ZBTB43: variants seen among roughly 807,000 people sequenced by gnomAD.
The protein encoded by ZBTB43 is zinc finger and BTB domain-containing protein 43.
ZBTB43 carries 6 observed loss-of-function variants against 31.1 expected under a neutral mutation model. The ratio of observed to expected loss-of-function variants is 0.19; its 90% CI spans 0.11 to 0.38. The LOEUF is 0.38. Among genes scored for constraint, ZBTB43 ranks in the 10% least tolerant of loss-of-function variants. The pLI is 1.00. For missense variants in ZBTB43, 379 were observed against 602.1 expected (o/e 0.63, Z 3.88); for synonymous variants, 212 against 221.7 (o/e 0.96, Z 0.39).
intron 2 of ZBTB43, among the ~76,000 whole-genome samples, chr9:126,811,102 GT>G (rs2032238098): frequency 6.6e-6 from 1 of 151,190 alleles, no homozygotes; most frequent in Admixed American, 6.6e-5. Context: ...CGCACCTGTG[GT>G]CTCAGCTACT....
At chr9:126,829,556 T>C (rs2032722504) in intron 2 of ZBTB43, among the ~76,000 whole-genome samples, 1 of 152,218 alleles carries the variant, frequency 6.6e-6, no homozygotes, top group Non-Finnish European at 1.5e-5. Context: ...ATGTAGGTAA[T>C]GAACCCAGTT....
chr9:126,825,842 A>ATTTTTT (rs72512629), intron 2 of ZBTB43, among the ~76,000 whole-genome samples: 2 of 91,194 alleles, frequency 2.2e-5, no homozygotes, highest in Admixed American at 1.3e-4. Context: ...TCCTTTTTAT[A>ATTTTTT]TTTTTTTTTT....
At chr9:126,831,973 A>G (rs1325617436) in intron 2 of ZBTB43, 1 of 152,512 alleles carries the variant, frequency 6.6e-6, no homozygotes, top group Middle Eastern at 3.2e-3. Flanking sequence ...AAAAAAAAAA[A>G]AACTAGCTGG....
chr9:126,820,809 A>G (rs2032491504), intron 2 of ZBTB43, among the ~76,000 whole-genome samples: 1 of 151,848 alleles, frequency 6.6e-6, no homozygotes. Context: ...TATACTGAAA[A>G]TGCAAAAAAT....
rs181953646 is a variant in ZBTB43, at chr9:126,814,895, C to G, written c.-24+5980C>G. Among the ~76,000 whole-genome samples, 994 of 152,026 alleles carry G rather than the reference C, an allele frequency of 6.5e-3. 12 individuals are homozygous for G. The highest frequency in any genetic ancestry group is 0.017 in the South Asian group (80 of 4,806). ...TGACAGGCCTTTCCGCCCCCTCCCC[C>G]ACCTTCATTTCAGTATTTTAAAATG... is the stretch of plus-strand genomic sequence containing the variant. On this transcript the variant is annotated intron_variant, in intron 2 of 2. Coordinates refer to ENST00000373464, the MANE Select transcript of ZBTB43 (RefSeq NM_014007.4).
At chr9:126,813,006 G>A (rs1352819482) in intron 2 of ZBTB43, among the ~76,000 whole-genome samples, 3 of 148,182 alleles carry the variant, frequency 2.0e-5, no homozygotes, top group African/African-American at 7.6e-5. Context: ...TTGAGATGTA[G>A]TTTTGCTCTT....
chr9:126,828,654 A>AATAATTATTATTATTATT (rs1554742744), intron 2 of ZBTB43, among the ~76,000 whole-genome samples: 5 of 127,726 alleles, frequency 3.9e-5, no homozygotes, highest in African/African-American at 1.6e-4. Flanking sequence ...TAATAATAAT[A>AATAATTATTATTATTATT]ATTATTATTA....
At chr9:126,826,788 G>C (rs1294059260) in intron 2 of ZBTB43, among the ~76,000 whole-genome samples, 1 of 152,054 alleles carries the variant, frequency 6.6e-6, no homozygotes, top group Non-Finnish European at 1.5e-5. Flanking sequence ...TATAGTTTCT[G>C]TCTCCTTATT....
chr9:126,807,110 T>G (rs571474450), intron 1 of ZBTB43, among the ~76,000 whole-genome samples: 1 of 152,362 alleles, frequency 6.6e-6, no homozygotes, highest in East Asian at 1.9e-4. Context: ...TAAGGTAGTT[T>G]ATCAAGCTTT....
At chr9:126,828,000 A>G (rs953525583) in intron 2 of ZBTB43, among the ~76,000 whole-genome samples, 2 of 151,796 alleles carry the variant, frequency 1.3e-5, no homozygotes, top group African/African-American at 4.9e-5. Flanking sequence ...CTGGGCAACA[A>G]GAGTGAAACT....
chr9:126,831,165 C>A (rs2032753907), intron 2 of ZBTB43, among the ~76,000 whole-genome samples: 1 of 152,122 alleles, frequency 6.6e-6, no homozygotes, highest in Non-Finnish European at 1.5e-5. Flanking sequence ...CTGCTCAAGC[C>A]CCCAGGCCCC....
intron 2 of ZBTB43, among the ~76,000 whole-genome samples, chr9:126,809,387 T>C (rs2032194381): frequency 6.6e-6 from 1 of 152,248 alleles, no homozygotes; most frequent in South Asian, 2.1e-4. Context: ...TTTGTACATT[T>C]GTGCCAGGCT....
chr9:126,833,304 C>T lies in ZBTB43; in HGVS notation c.795C>T (p.Asp265=), dbSNP rs35796392. 5.8e-3 allele frequency: 9,276 copies of T among 1,613,066 alleles called. 498 individuals carry two copies. In the African/African-American group the frequency reaches 0.11, roughly 19 times the overall value. The change falls in exon 3 of 3, where the codon GAC becomes GAT. Residue 265 remains aspartate, a synonymous_variant. Coordinates refer to ENST00000373464, the MANE Select transcript of ZBTB43 (RefSeq NM_014007.4). This position sits in a 1 kb window ranked among gnomAD's most constrained non-coding sequence, Gnocchi z 7.9. ...GCATGGATGTGCACGCGACCTACGA[C>T]GAGCACCAGGTCACAGAGTCCATCA... ...CEGMDVHATY[D]EHQVTESINT... is the part of the protein sequence containing the mutation.
rs1374058658 is a variant in ZBTB43, at chr9:126,836,283, C to G, written c.*2370C>G. On this transcript the variant is annotated 3_prime_UTR_variant, in exon 3 of 3. Coordinates refer to ENST00000373464, the MANE Select transcript of ZBTB43 (RefSeq NM_014007.4). ...GTAGTTTTGGAAGCAGTCAGTTGTG[C>G]TAGGACTTATTTAATATGTTGTGAA... 3.0e-5 allele frequency: 5 copies of G among 167,068 alleles called. No homozygotes were observed. The highest frequency in any genetic ancestry group is 1.2e-4 in the African/African-American group (5 of 41,442). The allele number at this position is 167,068 out of a possible 1,614,324, so 10.3% of individuals were successfully genotyped here.
At chr9:126,808,067 T>C (rs929282656) in intron 1 of ZBTB43, among the ~76,000 whole-genome samples, 2 of 152,266 alleles carry the variant, frequency 1.3e-5, no homozygotes, top group Non-Finnish European at 2.9e-5. Context: ...AAATGAGTAC[T>C]GTTTCTGCCT....
intron 1 of ZBTB43, among the ~76,000 whole-genome samples, chr9:126,805,740 C>T (rs970868458): frequency 1.3e-5 from 2 of 152,184 alleles, no homozygotes; most frequent in Admixed American, 6.5e-5. Flanking sequence ...GTCTGTTCAC[C>T]CTGTCTCTGC....
rs1261619152 is a variant in ZBTB43 at position 126,828,346 on chromosome 9, G to T, written c.-23-4141G>T. 2.6e-5 allele frequency among the ~76,000 whole-genome samples: 4 copies of T among 151,832 alleles called. No homozygotes were observed. The East Asian group carries it at 7.9e-4, about 30-fold the overall frequency. ...CTACAGGCACCCACCACCGCGCCTG[G>T]CTAATTTTTTGTAGTTTTAGTAGAG... On this transcript the variant is annotated intron_variant, in intron 2 of 2. Coordinates refer to ENST00000373464, the MANE Select transcript of ZBTB43 (RefSeq NM_014007.4).
chr9:126,837,813 G>A lies in ZBTB43; in HGVS notation c.*3900G>A, dbSNP rs2032914548. ...TACTGATAGTGCCCTATGGGGAGAT[G>A]CTGGAACACATTTTGCAAATGTGAC... On this transcript the variant is annotated 3_prime_UTR_variant, in exon 3 of 3. Transcript: ENST00000373464. 1 of 165,612 alleles carries A rather than the reference G, an allele frequency of 6.0e-6. No individual in the cohort carries two copies. The highest frequency in any genetic ancestry group is 2.4e-5 in the African/African-American group (1 of 40,996). The allele number at this position is 165,612 out of a possible 1,614,324, so 10.3% of individuals were successfully genotyped here. A position where few individuals can be genotyped will look rare whatever the true frequency, so the allele number is the denominator to read the frequency against.
chr9:126,818,007 G>A (rs564811976), intron 2 of ZBTB43, among the ~76,000 whole-genome samples: 31 of 151,966 alleles, frequency 2.0e-4, no homozygotes, highest in African/African-American at 7.5e-4. Context: ...ATTGCTTTGG[G>A]TAGTATTGTT....
Sources: allele counts gnomAD v4.1 joint callset (sites outside exome capture counted in the v4.1 genomes callset), GRCh38; gene constraint gnomAD v4.1.1; non-coding constraint Gnocchi (gnomAD v3.1); transcripts MANE v1.5; gene names NCBI Gene and HGNC (gene_info 2026-07-23, HGNC 2026-07-21).